The following SRBD1 variants were observed in gnomAD, a reference collection of about 807,000 sequenced individuals.
The protein encoded by SRBD1 is S1 RNA-binding domain-containing protein 1.
In SRBD1, 88 loss-of-function variants were observed where a neutral mutation model predicts 115.3. That is an observed-to-expected ratio of 0.76 (90% CI 0.64 to 0.91). The LOEUF is 0.91. Among genes scored for constraint, SRBD1 ranks in the 40% least tolerant of loss-of-function variants. The probability of loss-of-function intolerance (pLI) is 0.00; values close to 1 mark genes in which losing one functional copy is unlikely to be tolerated. For missense variants in SRBD1, 1,385 were observed against 1,177.4 expected (o/e 1.18, Z -2.58); for synonymous variants, 509 against 407.7 (o/e 1.25, Z -2.99).
intron 14 of SRBD1, among the ~76,000 whole-genome samples, chr2:45,497,805 G>C (rs1189079425): frequency 6.6e-6 from 1 of 152,044 alleles, no homozygotes; most frequent in East Asian, 1.9e-4. Flanking sequence ...GGGAGGCTGA[G>C]GTGGGCAGAT....
chr2:45,484,831 T>C (rs947804366), intron 15 of SRBD1, among the ~76,000 whole-genome samples: 2 of 152,222 alleles, frequency 1.3e-5, no homozygotes, highest in South Asian at 2.1e-4. Flanking sequence ...CATATAACCA[T>C]ACAATATGTA....
intron 5 of SRBD1, among the ~76,000 whole-genome samples, chr2:45,582,767 G>T (rs1572805370): frequency 6.6e-6 from 1 of 152,016 alleles, no homozygotes; most frequent in Admixed American, 6.6e-5. Context: ...TTATCTTCTA[G>T]TTTCCCTGCC....
At chr2:45,396,145 C>T (rs935948717) in intron 19 of SRBD1, among the ~76,000 whole-genome samples, 2 of 151,896 alleles carry the variant, frequency 1.3e-5, no homozygotes, top group African/African-American at 4.8e-5. Flanking sequence ...AAATGAGGTT[C>T]AGGGAGTTTA....
At chr2:45,435,932 TTCCAAA>T (rs1668484726) in intron 16 of SRBD1, among the ~76,000 whole-genome samples, 1 of 152,114 alleles carries the variant, frequency 6.6e-6, no homozygotes, top group South Asian at 2.1e-4. Context: ...ATAACCTTAA[TTCCAAA>T]ACCAGACAAA....
At chr2:45,406,486 T>C (rs1021047944) in intron 19 of SRBD1, among the ~76,000 whole-genome samples, 5 of 152,174 alleles carry the variant, frequency 3.3e-5, no homozygotes, top group African/African-American at 1.2e-4. Context: ...TTCTATAACA[T>C]GGGTTCTCTT....
intron 16 of SRBD1, among the ~76,000 whole-genome samples, chr2:45,463,982 G>C (rs1273935218): frequency 1.3e-5 from 2 of 151,640 alleles, no homozygotes; most frequent in African/African-American, 2.4e-5. Context: ...GTTTTTCTTG[G>C]ATAAAGATAT....
intron 16 of SRBD1, among the ~76,000 whole-genome samples, chr2:45,439,360 C>CATATATATAT (rs5830860): frequency 1.4e-5 from 2 of 144,524 alleles, no homozygotes; most frequent in South Asian, 2.2e-4. Flanking sequence ...TATTCTAGGA[C>CATATATATAT]ATATATATAT....
intron 14 of SRBD1, among the ~76,000 whole-genome samples, chr2:45,533,866 T>C (rs1297240474): frequency 6.6e-6 from 1 of 151,986 alleles, no homozygotes; most frequent in Non-Finnish European, 1.5e-5. Context: ...GGCAAGAACT[T>C]AAAACTAACA....
In SRBD1 at chr2:45,575,611, A is replaced by G. The variant is rs148802565; in HGVS notation, c.1073-888T>C. On this transcript the variant is annotated intron_variant, in intron 7 of 20. Transcript: ENST00000263736. ...ATTTGTTATGGCATAATTAATAAAT[A>G]GAAAATATCTAGTTTGGTTGTGTTA... Among the ~76,000 whole-genome samples, 67 of 152,368 alleles carry G rather than the reference A, an allele frequency of 4.4e-4. 1 individual carries two copies. In the East Asian group the frequency reaches 0.011, roughly 24 times the overall value.
intron 19 of SRBD1, among the ~76,000 whole-genome samples, chr2:45,410,315 G>A (rs978934597): frequency 3.3e-5 from 5 of 152,202 alleles, no homozygotes; most frequent in Non-Finnish European, 7.3e-5. Context: ...GGTACGACCA[G>A]AGGAGTTCCA....
At chr2:45,411,213 T>C (rs73925646) in intron 19 of SRBD1, among the ~76,000 whole-genome samples, 7,395 of 152,162 alleles carry the variant, frequency 0.049, 610 homozygotes, top group African/African-American at 0.17. Context: ...TGCTGCAGAA[T>C]TGACTGGTTG....
chr2:45,444,291 G>C (rs1362434301), intron 16 of SRBD1, among the ~76,000 whole-genome samples: 1 of 152,114 alleles, frequency 6.6e-6, no homozygotes, highest in Non-Finnish European at 1.5e-5. Context: ...TGTAGTCCTA[G>C]CTACTCAGGA....
intron 16 of SRBD1, among the ~76,000 whole-genome samples, chr2:45,437,831 T>C (rs759982663): frequency 1.4e-4 from 22 of 152,182 alleles, no homozygotes; most frequent in Non-Finnish European, 2.8e-4. Flanking sequence ...GGAGAAAATC[T>C]AACTAAACTT....
chr2:45,495,734 G>A (rs1274820809), intron 14 of SRBD1, among the ~76,000 whole-genome samples: 2 of 152,182 alleles, frequency 1.3e-5, no homozygotes, highest in East Asian at 3.8e-4. Flanking sequence ...TCATAGAGAG[G>A]AAGGAACACT....
At chr2:45,436,306 A>C (rs1268835264) in intron 16 of SRBD1, among the ~76,000 whole-genome samples, 1 of 152,230 alleles carries the variant, frequency 6.6e-6, no homozygotes, top group Non-Finnish European at 1.5e-5. Context: ...CTAACATAAC[A>C]TTTAATGGTA....
intron 16 of SRBD1, among the ~76,000 whole-genome samples, chr2:45,427,651 AAC>A (rs1370082666): frequency 2.0e-5 from 3 of 152,150 alleles, no homozygotes; most frequent in African/African-American, 7.2e-5. Flanking sequence ...ACCTGGCAGA[AAC>A]ACAACAAAAA....
chr2:45,485,282 A>G (rs1322561040), intron 15 of SRBD1, among the ~76,000 whole-genome samples: 1 of 152,184 alleles, frequency 6.6e-6, no homozygotes, highest in East Asian at 1.9e-4. Flanking sequence ...ATTTTCTACA[A>G]TGCTGTCTTA....
At position 45,562,685 on chromosome 2, in the gene SRBD1, C is replaced by T. The variant is rs1672707467; in HGVS notation, c.1377G>A (p.Lys459=). The T allele has an allele frequency of 2.5e-6, 4 of 1,611,488 alleles. No homozygotes were observed. The highest frequency in any genetic ancestry group is 3.4e-6 in the Non-Finnish European group (4 of 1,179,364). Reference sequence around the variant, plus strand: ...GGATGCACCACCTACAGAATTCATCCTTCACTCCATCAGAAATATTGACCT... The same window carrying T: ...GGATGCACCACCTACAGAATTCATCTTTCACTCCATCAGAAATATTGACCT... ...TVKVNISDGV[K]DEFCRWCIQN... is the part of the protein sequence containing the mutation. Residue 459 remains lysine (K), a synonymous_variant, in exon 10 of 21, where the codon AAG becomes AAA. Coordinates refer to ENST00000263736, the MANE Select transcript of SRBD1 (RefSeq NM_018079.5).
At chr2:45,568,481 G>A (rs979727543) in intron 9 of SRBD1, among the ~76,000 whole-genome samples, 5 of 152,064 alleles carry the variant, frequency 3.3e-5, no homozygotes, top group Admixed American at 6.6e-5. Context: ...TCATCACTCC[G>A]GCCTGTACAT....
Sources: gnomAD v4.1 joint callset for allele counts (sites outside exome capture counted in the v4.1 genomes callset) on GRCh38, gnomAD v4.1.1 for gene constraint, MANE v1.5 for transcripts, NCBI Gene and HGNC (gene_info 2026-07-23, HGNC 2026-07-21) for gene names.